The following SCN10A variants were observed in gnomAD, a reference collection of about 807,000 sequenced individuals.
SCN10A encodes the protein sodium voltage-gated channel alpha subunit 10.
A neutral mutation model predicts 170.7 loss-of-function variants in SCN10A; 162 were observed. That is an observed-to-expected ratio of 0.95 (90% confidence interval 0.84 to 1.08). The LOEUF (loss-of-function observed/expected upper bound fraction) is 1.08. SCN10A is among the 50% of genes least tolerant of loss of function. The pLI, the probability that SCN10A is intolerant of heterozygous loss-of-function variation, is 0.00. For synonymous variants in SCN10A, 985 were observed against 904.6 expected, an observed-to-expected ratio of 1.09 and a Z score of -1.59; for missense variants, 2,527 against 2,436.9, an observed-to-expected ratio of 1.04 and a Z score of -0.78.
chr3:38,725,040 G>A, intron 18 of SCN10A, 134 bp downstream of exon 18: 2 of 768,670 alleles, frequency 2.6e-6, no homozygotes, highest in South Asian at 3.8e-5. Flanking sequence ...AAAATTCCCA[G>A]GATAAGAAAT....
chr3:38,753,321 C>A (rs918519808), intron 11 of SCN10A, among the ~76,000 whole-genome samples: 14 of 152,162 alleles, frequency 9.2e-5, no homozygotes, highest in Admixed American at 8.5e-4. Flanking sequence ...CCATAATAAA[C>A]CATCATTTGT....
chr3:38,775,832 A>T (rs2064066210), intron 4 of SCN10A, among the ~76,000 whole-genome samples: 1 of 152,118 alleles, frequency 6.6e-6, no homozygotes, highest in Non-Finnish European at 1.5e-5. Context: ...CTCCAACCAC[A>T]ATATTTGTAA....
At chr3:38,737,769 C>T (rs867492862) in intron 15 of SCN10A, among the ~76,000 whole-genome samples, 76 of 99,222 alleles carry the variant, frequency 7.7e-4, no homozygotes, top group African/African-American at 2.8e-3. Flanking sequence ...TCCCTCCCTC[C>T]CTCTCTCTCT....
Position 38,742,320 on chromosome 3 carries a change from A to G in SCN10A, c.2077T>C (p.Phe693Leu). 1 of 1,614,012 alleles carries G rather than the reference A, an allele frequency of 6.2e-7. No individual in the cohort carries two copies. The highest frequency in any genetic ancestry group is 8.5e-7 in the Non-Finnish European group (1 of 1,179,950). Residue 693 changes from phenylalanine to leucine, a missense_variant, in exon 14 of 28, where the codon TTC (phenylalanine) becomes CTC (leucine). Coordinates refer to ENST00000449082, the MANE Select transcript of SCN10A (RefSeq NM_006514.4). ...AMEHHGMSPTFEAMLQIGNIV... is the reference protein window; with the variant it reads ...AMEHHGMSPTLEAMLQIGNIV... ...TTGCCTATCTGGAGCATGGCTTCGA[A>G]GGTAGGGCTCATGCCATGGTGCTCC...
intron 4 of SCN10A, among the ~76,000 whole-genome samples, chr3:38,780,435 G>C (rs2064125974): frequency 6.6e-6 from 1 of 151,994 alleles, no homozygotes; most frequent in African/African-American, 2.4e-5. Context: ...TTAAAAATAG[G>C]TGAGTAAAAT....
Position 38,763,587 on chromosome 3 carries a change from G to T in SCN10A, c.609C>A (p.Gly203=), listed in dbSNP as rs532353167. ...DFSVITLAYV[G]TAIDLRGISG... ...AGATCCCACGGAGATCTATTGCTGT[G>T]CCAACATATCTGTAGGACCAGAAGT... The change falls in exon 6 of 28, where the codon GGC becomes GGA. Residue 203 remains glycine, a synonymous_variant. Transcript: ENST00000449082. 74 of 1,613,354 alleles carry T rather than the reference G, an allele frequency of 4.6e-5. No homozygotes were observed. Among genetic ancestry groups the T allele is most frequent in the Non-Finnish European group, 4.8e-5 (57 of 1,179,500 alleles).
intron 15 of SCN10A, among the ~76,000 whole-genome samples, chr3:38,731,902 T>C (rs1454754101): frequency 6.6e-6 from 1 of 152,202 alleles, no homozygotes; most frequent in Non-Finnish European, 1.5e-5. Context: ...GGGAGACAGA[T>C]CTGAGCTTGA....
Position 38,726,835 on chromosome 3 carries a change from A to T in SCN10A, c.2858T>A (p.Leu953His). 1 of 1,613,760 alleles carries T rather than the reference A, an allele frequency of 6.2e-7. No homozygotes were observed. Among genetic ancestry groups the T allele is most frequent in the Non-Finnish European group, 8.5e-7 (1 of 1,179,722 alleles). Residue 953 changes from leucine to histidine, a missense_variant, in exon 17 of 28, where the codon CTC (leucine) becomes CAC (histidine). Coordinates refer to ENST00000449082, the MANE Select transcript of SCN10A (RefSeq NM_006514.4). The part of the protein sequence containing the change: ...AEPELVVKLP[L>H]SSSKAENHIA... ...GTGGTTCTCAGCCTTGGAGCTGGAG[A>T]GTGGGAGTTTCACCACCAGCTCAGG...
chr3:38,712,135 T>C (rs1277363352), intron 23 of SCN10A, 26 bp downstream of exon 23: 2 of 1,610,422 alleles, frequency 1.2e-6, no homozygotes, highest in East Asian at 4.5e-5. Flanking sequence ...AAGCAAGAGA[T>C]ATGGTTGATC....
At chr3:38,797,807 C>T (rs2064348908) in intron 1 of SCN10A, among the ~76,000 whole-genome samples, 1 of 152,182 alleles carries the variant, frequency 6.6e-6, no homozygotes, top group African/African-American at 2.4e-5. Flanking sequence ...AATTCCAGGT[C>T]CTGGAGCTGG....
At chr3:38,808,145 A>G (rs2064417154) in intron 1 of SCN10A, among the ~76,000 whole-genome samples, 1 of 151,954 alleles carries the variant, frequency 6.6e-6, no homozygotes, top group Non-Finnish European at 1.5e-5. Context: ...CTCCTTGTAC[A>G]TCACCCTTTT....
rs7374030 is a variant in SCN10A, at chr3:38,756,437, C to T, written c.1290+237G>A. 0.068 allele frequency among the ~76,000 whole-genome samples: 10,392 copies of T among 152,154 alleles called. 438 individuals carry two copies. The highest frequency in any genetic ancestry group is 0.1 in the East Asian group (540 of 5,180). On this transcript the variant is annotated intron_variant, in intron 10 of 27. Coordinates refer to ENST00000449082, the MANE Select transcript of SCN10A (RefSeq NM_006514.4). ...TCCTTGTTTAGTTCCACCCTCTGCC[C>T]CATTCTGTTTTGCTTCATTCGCTTT...
At chr3:38,711,426 A>T (rs2063272945) in intron 23 of SCN10A, among the ~76,000 whole-genome samples, 1 of 152,232 alleles carries the variant, frequency 6.6e-6, no homozygotes. Context: ...TTACACTCCT[A>T]GGCCTGTTAC....
intron 19 of SCN10A, 84 bp from the exon 20 acceptor site, chr3:38,722,496 G>C (rs1333598469): frequency 2.0e-6 from 3 of 1,488,666 alleles, no homozygotes; most frequent in Non-Finnish European, 2.7e-6. Flanking sequence ...AAACCATTCT[G>C]CTAGGAAACC....
At chr3:38,773,508 T>C (rs1021557648) in intron 4 of SCN10A, among the ~76,000 whole-genome samples, 1 of 152,162 alleles carries the variant, frequency 6.6e-6, no homozygotes, top group East Asian at 1.9e-4. Context: ...AAAAAAATGA[T>C]ACACATGCAC....
intron 4 of SCN10A, among the ~76,000 whole-genome samples, chr3:38,773,454 G>C (rs2064034302): frequency 6.6e-6 from 1 of 152,198 alleles, no homozygotes; most frequent in Admixed American, 6.5e-5. Flanking sequence ...ATCTAGGTCA[G>C]AATGAGGCAG....
chr3:38,746,113 A>T (rs2063687741), intron 13 of SCN10A, among the ~76,000 whole-genome samples: 1 of 104,338 alleles, frequency 9.6e-6, no homozygotes, highest in Non-Finnish European at 2.0e-5. Context: ...CATCTTTGTC[A>T]TCTAAGTTCT....
At chr3:38,786,788 T>C (rs995898981) in intron 4 of SCN10A, among the ~76,000 whole-genome samples, 8 of 152,136 alleles carry the variant, frequency 5.3e-5, no homozygotes, top group Non-Finnish European at 8.8e-5. Context: ...GCCTTTTCCC[T>C]GCTGTTCTGG....
chr3:38,762,472 G>C (rs1334858633), intron 6 of SCN10A, among the ~76,000 whole-genome samples: 1 of 152,050 alleles, frequency 6.6e-6, no homozygotes, highest in East Asian at 1.9e-4. Flanking sequence ...AGAGGAGGAA[G>C]GATATCCCAG....
Sources: allele counts gnomAD v4.1 joint callset (sites outside exome capture counted in the v4.1 genomes callset), GRCh38; gene constraint gnomAD v4.1.1; transcripts MANE v1.5; gene names NCBI Gene and HGNC (gene_info 2026-07-23, HGNC 2026-07-21).